The following CPQ variants were observed in gnomAD, a reference collection of about 807,000 sequenced individuals.
The protein encoded by CPQ is carboxypeptidase Q.
Under a neutral mutation model 45.7 loss-of-function variants are expected in CPQ, and 37 were observed. The ratio of observed to expected loss-of-function variants is 0.81; its 90% CI spans 0.62 to 1.07. The LOEUF is 1.07. CPQ is among the 50% of genes least tolerant of loss of function. The pLI, the probability that CPQ is intolerant of heterozygous loss-of-function variation, is 0.00. For missense variants in CPQ, 537 were observed against 572.9 expected (o/e 0.94, Z 0.64); for synonymous variants, 186 against 205.8 (o/e 0.90, Z 0.82).
intron 3 of CPQ, among the ~76,000 whole-genome samples, chr8:96,873,231 T>C (rs1443958760): frequency 1.3e-5 from 2 of 151,842 alleles, no homozygotes; most frequent in Non-Finnish European, 2.9e-5. Flanking sequence ...TTCTTGCCTC[T>C]CTTCTGCCAT....
At chr8:97,042,788 G>A (rs949912651) in intron 6 of CPQ, among the ~76,000 whole-genome samples, 159 of 152,106 alleles carry the variant, frequency 1.0e-3, no homozygotes, top group African/African-American at 3.7e-3. Context: ...CCATGTAGTT[G>A]AGCGGTTTTG....
At chr8:97,026,631 T>C (rs1809803251) in intron 5 of CPQ, among the ~76,000 whole-genome samples, 1 of 152,210 alleles carries the variant, frequency 6.6e-6, no homozygotes, top group African/African-American at 2.4e-5. Context: ...AGGCCTTCAC[T>C]CTGTGAAGTA....
intron 1 of CPQ, among the ~76,000 whole-genome samples, chr8:96,768,897 C>T (rs1163970812): frequency 6.6e-6 from 1 of 152,150 alleles, no homozygotes; most frequent in African/African-American, 2.4e-5. Flanking sequence ...GAGTATTCCT[C>T]AGAACTTGTT....
In CPQ at chr8:96,697,555, G is replaced by T. The variant is rs186523545; in HGVS notation, c.-35+52153G>T. Among the ~76,000 whole-genome samples, 445 of 152,144 alleles carry T rather than the reference G, an allele frequency of 2.9e-3. 4 individuals are homozygous for T. The highest frequency in any genetic ancestry group is 1.0e-2 in the African/African-American group (415 of 41,536). On this transcript the variant is annotated intron_variant, in intron 1 of 7. Transcript: ENST00000220763. ...AAATAAAGGGCATCCAGATTGGAAT[G>T]GAAGAAGTCAAATTATCTTTGTTTG... is the stretch of plus-strand genomic sequence containing the variant.
rs558852576 is a variant in CPQ, at chr8:96,718,648, C to G, written c.-34-66216C>G. ...CCCAAGTGGGTTGCCACTGCTGGCT[C>G]GGGCAGCCTGCTTTTATTCTCTTAT... On this transcript the variant is annotated intron_variant, in intron 1 of 7. Transcript: ENST00000220763. Among the ~76,000 whole-genome samples the G allele has an allele frequency of 4.6e-5, 7 of 152,264 alleles. No homozygotes were observed. In the South Asian group the frequency reaches 6.2e-4, roughly 14 times the overall value.
chr8:96,909,524 AT>A (rs1255340183), intron 4 of CPQ, among the ~76,000 whole-genome samples: 2 of 152,114 alleles, frequency 1.3e-5, no homozygotes, highest in African/African-American at 4.8e-5. Context: ...AAATTCAGCA[AT>A]TTCCTTTTAA....
At chr8:97,123,624 G>A (rs1392143066) in intron 7 of CPQ, among the ~76,000 whole-genome samples, 1 of 151,350 alleles carries the variant, frequency 6.6e-6, no homozygotes, top group Non-Finnish European at 1.5e-5. Flanking sequence ...AAAGAATAAG[G>A]TACAAAAAAA....
At chr8:97,098,445 C>T (rs977781148) in intron 7 of CPQ, among the ~76,000 whole-genome samples, 1 of 152,204 alleles carries the variant, frequency 6.6e-6, no homozygotes, top group African/African-American at 2.4e-5. Flanking sequence ...CCCCTTCCAA[C>T]TCTAGACAGC....
chr8:97,009,109 C>T (rs1586492076), intron 5 of CPQ, among the ~76,000 whole-genome samples: 1 of 152,204 alleles, frequency 6.6e-6, no homozygotes, highest in African/African-American at 2.4e-5. Flanking sequence ...TCTTTACATA[C>T]GTGGCAGAAT....
In CPQ at chr8:96,692,046, C is replaced by T. The variant is rs191714031; in HGVS notation, c.-35+46644C>T. Among the ~76,000 whole-genome samples, 12 of 152,188 alleles carry T rather than the reference C, an allele frequency of 7.9e-5. No homozygotes were observed. In the East Asian group the frequency reaches 1.5e-3, roughly 20 times the overall value. Reference sequence around the variant, plus strand: ...TAATAAGTCATACAGTTCTGGAAAACAGTAAGGTCTCTCTGGTTGGAGTTG... The same window carrying T: ...TAATAAGTCATACAGTTCTGGAAAATAGTAAGGTCTCTCTGGTTGGAGTTG... On this transcript the variant is annotated intron_variant, in intron 1 of 7. Transcript: ENST00000220763.
At chr8:97,082,986 C>A (rs1810978817) in intron 7 of CPQ, among the ~76,000 whole-genome samples, 1 of 152,216 alleles carries the variant, frequency 6.6e-6, no homozygotes, top group African/African-American at 2.4e-5. Flanking sequence ...TAACCACTTA[C>A]CTGACACTTG....
At chr8:97,040,288 GA>G (rs1204487396) in intron 6 of CPQ, among the ~76,000 whole-genome samples, 1 of 152,184 alleles carries the variant, frequency 6.6e-6, no homozygotes, top group African/African-American at 2.4e-5. Context: ...CTTCTTTTGA[GA>G]AGTGTCTGTT....
At chr8:97,123,109 TA>T (rs1484896702) in intron 7 of CPQ, among the ~76,000 whole-genome samples, 9 of 50,404 alleles carry the variant, frequency 1.8e-4, no homozygotes, top group South Asian at 5.9e-4. Context: ...ATAAATAAAA[TA>T]AAATAAAATA....
intron 5 of CPQ, among the ~76,000 whole-genome samples, chr8:97,024,178 A>G (rs1586500432): frequency 6.6e-6 from 1 of 152,080 alleles, no homozygotes; most frequent in Non-Finnish European, 1.5e-5. Context: ...CTTTATTTCC[A>G]TGGCTTCCAG....
At chr8:96,878,651 A>G (rs1812179990) in intron 3 of CPQ, among the ~76,000 whole-genome samples, 1 of 152,212 alleles carries the variant, frequency 6.6e-6, no homozygotes, top group Admixed American at 6.5e-5. Context: ...GGCTACAACA[A>G]TACAGTCACA....
intron 4 of CPQ, among the ~76,000 whole-genome samples, chr8:96,928,004 C>T (rs1021032879): frequency 1.3e-5 from 2 of 152,166 alleles, no homozygotes; most frequent in African/African-American, 2.4e-5. Context: ...TCCCTGGATG[C>T]ATCAGCGTTA....
intron 1 of CPQ, among the ~76,000 whole-genome samples, chr8:96,701,929 C>T (rs1450083829): frequency 2.6e-5 from 4 of 152,176 alleles, no homozygotes; most frequent in African/African-American, 9.7e-5. Flanking sequence ...TCCATATTCT[C>T]CAGCTTGGAG....
intron 1 of CPQ, among the ~76,000 whole-genome samples, chr8:96,693,934 A>T (rs942291080): frequency 6.6e-6 from 1 of 152,218 alleles, no homozygotes; most frequent in Admixed American, 6.5e-5. Flanking sequence ...CAATACAATA[A>T]GATATAAATA....
intron 2 of CPQ, among the ~76,000 whole-genome samples, chr8:96,831,807 T>C (rs1268416802): frequency 1.3e-5 from 2 of 152,102 alleles, no homozygotes; most frequent in African/African-American, 4.8e-5. Flanking sequence ...CTGTCATCTG[T>C]TTGTCCTATG....
Sources: gnomAD v4.1 joint callset for allele counts (sites outside exome capture counted in the v4.1 genomes callset) on GRCh38, gnomAD v4.1.1 for gene constraint, MANE v1.5 for transcripts, NCBI Gene and HGNC (gene_info 2026-07-23, HGNC 2026-07-21) for gene names.